The following ADAMTS19 variants were observed in gnomAD, a reference collection of about 807,000 sequenced individuals.
ADAMTS19 encodes the protein ADAM metallopeptidase with thrombospondin type 1 motif 19, also known as A disintegrin and metalloproteinase with thrombospondin motifs 19.
ADAMTS19 carries 93 observed loss-of-function variants against 153.3 expected under a neutral mutation model. The observed-to-expected ratio is 0.61, with a 90% CI of 0.51 to 0.72. The LOEUF (loss-of-function observed/expected upper bound fraction) is 0.72, where lower values mean the gene tolerates loss of function less well. Among genes scored for constraint, ADAMTS19 ranks in the 30% least tolerant of loss-of-function variants. The pLI is 0.00. For synonymous variants in ADAMTS19, 600 were observed against 556.6 expected (o/e 1.08, Z -1.10); for missense variants, 1,482 against 1,552.1 (o/e 0.95, Z 0.76).
At chr5:129,650,672 T>G (rs1753278672) in intron 13 of ADAMTS19, among the ~76,000 whole-genome samples, 1 of 152,166 alleles carries the variant, frequency 6.6e-6, no homozygotes, top group South Asian at 2.1e-4. Context: ...GCTATCTTAT[T>G]GATTACCCCC....
At chr5:129,584,720 G>C (rs1749696820) in intron 7 of ADAMTS19, among the ~76,000 whole-genome samples, 1 of 152,166 alleles carries the variant, frequency 6.6e-6, no homozygotes, top group Admixed American at 6.5e-5. Context: ...GCCTACTCAA[G>C]CCTCATTAAT....
chr5:129,543,010 T>A (rs1752707052), intron 6 of ADAMTS19, among the ~76,000 whole-genome samples: 1 of 150,710 alleles, frequency 6.6e-6, no homozygotes, highest in Admixed American at 6.6e-5. Flanking sequence ...GATTAACTAG[T>A]TTTTGTTGTT....
intron 10 of ADAMTS19, among the ~76,000 whole-genome samples, chr5:129,634,946 G>A (rs1752469413): frequency 1.3e-5 from 2 of 152,034 alleles, no homozygotes; most frequent in African/African-American, 4.8e-5. Flanking sequence ...CTTGTGCACA[G>A]CAAAATAAAC....
Position 129,711,550 on chromosome 5 carries a change from G to A in ADAMTS19, c.3312+7159G>A, listed in dbSNP as rs139728808. ...AAATTAGCCGGGCGTGGCAGCGGGT[G>A]CCTGTAATCCCAGCTCCTGGGTAGG... On this transcript the variant is annotated intron_variant, in intron 21 of 22. Transcript: ENST00000274487. Among the ~76,000 whole-genome samples the A allele has an allele frequency of 3.4e-3, 520 of 152,200 alleles. 4 individuals are homozygous for A. Among genetic ancestry groups the A allele is most frequent in the African/African-American group, 0.012 (506 of 41,544 alleles).
intron 8 of ADAMTS19, among the ~76,000 whole-genome samples, chr5:129,606,190 G>A (rs1370754645): frequency 2.0e-5 from 3 of 152,094 alleles, no homozygotes; most frequent in Non-Finnish European, 1.5e-5. Context: ...GAATACAGAC[G>A]TCTTGTGACT....
rs142667931 is a variant in ADAMTS19 at position 129,715,762 on chromosome 5, T to C, written c.3312+11371T>C. ...AGATTGTGAATTCTATTTTGGACTA[T>C]GTTTCAATGTGCTCATCAGATAGTT... On this transcript the variant is annotated intron_variant, in intron 21 of 22. Transcript: ENST00000274487. 2.2e-3 allele frequency among the ~76,000 whole-genome samples: 331 copies of C among 152,316 alleles called. 1 individual carries two copies. The highest frequency in any genetic ancestry group is 7.6e-3 in the African/African-American group (316 of 41,564).
chr5:129,614,472 A>G (rs4331935), intron 8 of ADAMTS19, among the ~76,000 whole-genome samples: 77,758 of 151,996 alleles, frequency 0.51, 22,987 homozygotes, highest in Non-Finnish European at 0.66. Flanking sequence ...AAGGCCTGTG[A>G]CAAAATTCAA....
Position 129,665,498 on chromosome 5 carries a change from G to T in ADAMTS19, c.2426-1G>T. ...ATTTCATGTTTTATTGACTCTTACA[G>T]GTTATGTAGAAGTGCTGGTGATACC... is the stretch of plus-strand genomic sequence containing the variant. On this transcript the variant is annotated splice_acceptor_variant, in intron 15 of 22. Transcript: ENST00000274487. LOFTEE classifies it high-confidence loss of function. 6.2e-7 allele frequency: 1 copy of T among 1,604,042 alleles called. No homozygotes were observed. The highest frequency in any genetic ancestry group is 8.5e-7 in the Non-Finnish European group (1 of 1,173,132).
intron 13 of ADAMTS19, 110 bp downstream of exon 13, chr5:129,649,080 C>A: frequency 8.8e-7 from 1 of 1,137,928 alleles, no homozygotes; most frequent in Non-Finnish European, 1.2e-6. Context: ...TATTTCTGAA[C>A]TTTAATTTTT....
intron 7 of ADAMTS19, among the ~76,000 whole-genome samples, chr5:129,568,629 G>A (rs751923167): frequency 6.6e-6 from 1 of 151,982 alleles, no homozygotes; most frequent in African/African-American, 2.4e-5. Context: ...AGACCAGCCT[G>A]GGTAACATAA....
In ADAMTS19 at chr5:129,461,832, CAT is replaced by C; in HGVS notation, c.747+76_747+77del. The C allele has an allele frequency of 6.9e-7, 1 of 1,446,976 alleles. No individual in the cohort carries two copies. Among genetic ancestry groups the C allele is most frequent in the Non-Finnish European group, 9.0e-7 (1 of 1,108,124 alleles). The allele number at this position is 1,446,976 out of a possible 1,614,324, so 89.6% of individuals were successfully genotyped here. A position where few individuals can be genotyped will look rare whatever the true frequency, so the allele number is the denominator to read the frequency against. On this transcript the variant is annotated intron_variant, in intron 2 of 22. Coordinates refer to ENST00000274487, the MANE Select transcript of ADAMTS19 (RefSeq NM_133638.6). This position sits in a 1 kb window ranked among gnomAD's most constrained non-coding sequence, Gnocchi z 4.6. ...CTTGCCCATAGGTCAGGATGATTTG[CAT>C]GCACCTTCTCCCCTTTCAGTGTGCT...
rs918726373 is a variant in ADAMTS19 at position 129,654,448 on chromosome 5, A to T, written c.2304+15A>T. ...GCAGGTGCCAGGTAAGACATTCCAA[A>T]AAAAAAAAGAATTTATATGTTGAAG... On this transcript the variant is annotated intron_variant, in intron 14 of 22. Transcript: ENST00000274487. The T allele has an allele frequency of 6.3e-7, 1 of 1,595,606 alleles. No individual in the cohort carries two copies. The highest frequency in any genetic ancestry group is 8.5e-7 in the Non-Finnish European group (1 of 1,175,362).
chr5:129,641,484 AT>A (rs1308854996), intron 10 of ADAMTS19, among the ~76,000 whole-genome samples: 1 of 152,178 alleles, frequency 6.6e-6, no homozygotes, highest in Non-Finnish European at 1.5e-5. Context: ...CAGACACTGA[AT>A]TTATAACACA....
At chr5:129,722,694 G>A (rs1341985166) in intron 21 of ADAMTS19, among the ~76,000 whole-genome samples, 3 of 152,050 alleles carry the variant, frequency 2.0e-5, no homozygotes, top group East Asian at 3.9e-4. Flanking sequence ...GAATGATATT[G>A]CCTAGATTTT....
At chr5:129,578,097 C>G (rs62399008) in intron 7 of ADAMTS19, among the ~76,000 whole-genome samples, 1 of 38,916 alleles carries the variant, frequency 2.6e-5, no homozygotes, top group Admixed American at 3.7e-4. Context: ...CATATACATA[C>G]ATATACATAT....
At chr5:129,598,931 A>G (rs1235924882) in intron 8 of ADAMTS19, among the ~76,000 whole-genome samples, 3 of 152,132 alleles carry the variant, frequency 2.0e-5, no homozygotes, top group South Asian at 2.1e-4. Flanking sequence ...AAACACTGCA[A>G]TTTTGATCCT....
At chr5:129,521,573 C>T (rs1322906809) in intron 3 of ADAMTS19, among the ~76,000 whole-genome samples, 1 of 152,122 alleles carries the variant, frequency 6.6e-6, no homozygotes, top group Non-Finnish European at 1.5e-5. Flanking sequence ...TGCATTTTGA[C>T]CCCAAAGAAT....
At chr5:129,634,061 C>T (rs1752426097) in intron 10 of ADAMTS19, among the ~76,000 whole-genome samples, 1 of 152,072 alleles carries the variant, frequency 6.6e-6, no homozygotes, top group African/African-American at 2.4e-5. Flanking sequence ...CCAGTTGGAA[C>T]CTAATGTCAG....
Position 129,556,735 on chromosome 5 carries a change from A to T in ADAMTS19, c.1372+4828A>T, listed in dbSNP as rs79647347. 4.3e-3 allele frequency among the ~76,000 whole-genome samples: 656 copies of T among 152,288 alleles called. 3 individuals carry two copies. The highest frequency in any genetic ancestry group is 0.026 in the East Asian group (134 of 5,182). On this transcript the variant is annotated intron_variant, in intron 7 of 22. Transcript: ENST00000274487. Reference sequence around the variant, plus strand: ...AAAGACAGAGATACAATATGAAAAGAATTCAACTCATTATGGATGGTTTGA... The same window carrying T: ...AAAGACAGAGATACAATATGAAAAGTATTCAACTCATTATGGATGGTTTGA...
Sources: allele counts gnomAD v4.1 joint callset (sites outside exome capture counted in the v4.1 genomes callset), GRCh38; gene constraint gnomAD v4.1.1; non-coding constraint Gnocchi (gnomAD v3.1); transcripts MANE v1.5; gene names NCBI Gene and HGNC (gene_info 2026-07-23, HGNC 2026-07-21).